The following SHROOM3 variants were observed in gnomAD, a reference collection of about 807,000 sequenced individuals.
SHROOM3 encodes protein Shroom3.
SHROOM3 carries 47 observed loss-of-function variants against 138.6 expected under a neutral mutation model. The observed-to-expected ratio is 0.34, with a 90% confidence interval of 0.27 to 0.43. SHROOM3 has a LOEUF of 0.43. Ranked by LOEUF, SHROOM3 falls within the 20% of genes least tolerant of loss-of-function variation. The pLI is 1.00. For missense variants in SHROOM3, 2,491 were observed against 2,596.5 expected (o/e 0.96, Z 0.88); for synonymous variants, 1,062 against 1,063.3 (o/e 1.00, Z 0.02).
At chr4:76,630,743 A>G (rs548426277) in intron 2 of SHROOM3, among the ~76,000 whole-genome samples, 1 of 152,236 alleles carries the variant, frequency 6.6e-6, no homozygotes. Context: ...TCTTAATGAT[A>G]AATTGGAGAA....
chr4:76,547,628 A>G (rs999395340), intron 1 of SHROOM3, among the ~76,000 whole-genome samples: 16 of 152,088 alleles, frequency 1.1e-4, no homozygotes, highest in Non-Finnish European at 2.4e-4. Context: ...CAAGATACGT[A>G]AGTAAAAAAT....
chr4:76,673,119 C>T (rs1045019579), intron 2 of SHROOM3, among the ~76,000 whole-genome samples: 1 of 152,162 alleles, frequency 6.6e-6, no homozygotes, highest in Non-Finnish European at 1.5e-5. Context: ...TTAGCCTCCC[C>T]ACTGGATAAG....
intron 1 of SHROOM3, among the ~76,000 whole-genome samples, chr4:76,508,673 A>G (rs1174156612): frequency 5.9e-5 from 9 of 152,236 alleles, no homozygotes; most frequent in Non-Finnish European, 1.0e-4. Flanking sequence ...AAGCCTTCCA[A>G]TCAATGAACG....
chr4:76,636,735 C>G (rs1735506699), intron 2 of SHROOM3, among the ~76,000 whole-genome samples: 1 of 152,190 alleles, frequency 6.6e-6, no homozygotes. Flanking sequence ...TCTGAATGAG[C>G]ATGGGTTTGT....
At chr4:76,630,965 A>C (rs1165753150) in intron 2 of SHROOM3, among the ~76,000 whole-genome samples, 1 of 152,218 alleles carries the variant, frequency 6.6e-6, no homozygotes, top group African/African-American at 2.4e-5. Flanking sequence ...TCATTGAACA[A>C]ATATTCATGG....
chr4:76,482,071 A>G (rs1731625540), intron 1 of SHROOM3, among the ~76,000 whole-genome samples: 1 of 152,218 alleles, frequency 6.6e-6, no homozygotes, highest in Non-Finnish European at 1.5e-5. Context: ...AAAAGCTGGA[A>G]GCATTCCCTT....
At chr4:76,712,703 C>T (rs1232353873) in intron 3 of SHROOM3, among the ~76,000 whole-genome samples, 3 of 152,306 alleles carry the variant, frequency 2.0e-5, no homozygotes, top group Middle Eastern at 6.8e-3. Context: ...TCTTCATACA[C>T]TAAGAATTTT....
At chr4:76,630,751 G>A (rs1485221566) in intron 2 of SHROOM3, among the ~76,000 whole-genome samples, 1 of 152,180 alleles carries the variant, frequency 6.6e-6, no homozygotes, top group East Asian at 1.9e-4. Flanking sequence ...ATAAATTGGA[G>A]AAGCCTGGAA....
intron 1 of SHROOM3, among the ~76,000 whole-genome samples, chr4:76,444,925 T>C (rs1376093012): frequency 6.7e-6 from 1 of 150,074 alleles, no homozygotes; most frequent in East Asian, 2.0e-4. Context: ...GGCAAAACCC[T>C]GTCTCTACAA....
intron 1 of SHROOM3, among the ~76,000 whole-genome samples, chr4:76,447,040 C>T (rs17001966): frequency 0.078 from 11,940 of 152,196 alleles, 555 homozygotes; most frequent in African/African-American, 0.13. Context: ...GGGAACTTCA[C>T]GTACAGTTGT....
At chr4:76,589,996 C>T (rs1287910573) in intron 2 of SHROOM3, among the ~76,000 whole-genome samples, 3 of 152,216 alleles carry the variant, frequency 2.0e-5, no homozygotes, top group Non-Finnish European at 4.4e-5. Context: ...CCATGCGGTT[C>T]TCCTTCCCTT....
chr4:76,777,036 C>G (rs1015867257), intron 10 of SHROOM3, among the ~76,000 whole-genome samples: 11 of 152,092 alleles, frequency 7.2e-5, no homozygotes, highest in Admixed American at 7.2e-4. Context: ...AACGTGATGC[C>G]TCCAGATTTG....
intron 2 of SHROOM3, among the ~76,000 whole-genome samples, chr4:76,564,885 G>A (rs976773341): frequency 6.6e-6 from 1 of 151,654 alleles, no homozygotes; most frequent in African/African-American, 2.4e-5. Flanking sequence ...CTCAAGGCTG[G>A]GTGCGGTGGC....
At chr4:76,564,377 C>T (rs920680081) in intron 2 of SHROOM3, among the ~76,000 whole-genome samples, 6 of 152,266 alleles carry the variant, frequency 3.9e-5, no homozygotes, top group African/African-American at 1.4e-4. Context: ...GAAACTTTTC[C>T]AAGAGGCCTG....
intron 1 of SHROOM3, among the ~76,000 whole-genome samples, chr4:76,468,572 G>C (rs1250348697): frequency 2.0e-5 from 3 of 150,832 alleles, no homozygotes; most frequent in African/African-American, 7.3e-5. Flanking sequence ...TAATTATTAT[G>C]ATAATTAAAG....
chr4:76,554,333 C>T (rs191448975), intron 1 of SHROOM3, among the ~76,000 whole-genome samples: 1 of 151,648 alleles, frequency 6.6e-6, no homozygotes, highest in Admixed American at 6.6e-5. Flanking sequence ...TCTGAATGTA[C>T]TACTTTATGT....
intron 2 of SHROOM3, among the ~76,000 whole-genome samples, chr4:76,580,671 C>T (rs893649221): frequency 2.0e-5 from 3 of 152,090 alleles, no homozygotes; most frequent in Non-Finnish European, 4.4e-5. Context: ...GGTGATCTGC[C>T]GGCCTCGGCC....
intron 2 of SHROOM3, among the ~76,000 whole-genome samples, chr4:76,708,128 G>A (rs1327414866): frequency 1.3e-5 from 2 of 152,200 alleles, no homozygotes; most frequent in African/African-American, 4.8e-5. Flanking sequence ...AGGACAACAT[G>A]GTTTTGGGGG....
Position 76,733,838 on chromosome 4 carries a change from GAA to G in SHROOM3, c.587+2905_587+2906del, listed in dbSNP as rs1248753992. Among the ~76,000 whole-genome samples the G allele has an allele frequency of 2.6e-5, 4 of 152,142 alleles. No individual in the cohort carries two copies. The East Asian group carries it at 7.7e-4, about 29-fold the overall frequency. The stretch of plus-strand genomic sequence containing the variant: ...ACAGGAGTGAGGTGAGAGAGAGAGA[GAA>G]AGAGAAGTATGGAGAGACTGAAGAT... On this transcript the variant is annotated intron_variant, in intron 4 of 10. Transcript: ENST00000296043.
Sources: allele counts gnomAD v4.1 joint callset (sites outside exome capture counted in the v4.1 genomes callset), GRCh38; gene constraint gnomAD v4.1.1; transcripts MANE v1.5; gene names NCBI Gene and HGNC (gene_info 2026-07-23, HGNC 2026-07-21).